WNT9B: variants seen among roughly 807,000 people sequenced by gnomAD.
The protein encoded by WNT9B is Wnt family member 9B.
In WNT9B, 12 loss-of-function variants were observed where a neutral mutation model predicts 30.2. The observed-to-expected ratio is 0.40, with a 90% CI of 0.26 to 0.64. The LOEUF (loss-of-function observed/expected upper bound fraction) is 0.64, where lower values mean the gene tolerates loss of function less well. Among genes scored for constraint, WNT9B ranks in the 30% least tolerant of loss-of-function variants. The pLI is 0.42. For missense variants in WNT9B, 442 were observed against 485.2 expected (o/e 0.91, Z 0.84); for synonymous variants, 218 against 216.9 (o/e 1.01, Z -0.05).
Position 46,857,474 on chromosome 17 carries a change from CAAAA to C in WNT9B, c.77+5778_77+5781del, listed in dbSNP as rs35196121. Among the ~76,000 whole-genome samples, 161 of 94,660 alleles carry C rather than the reference CAAAA, an allele frequency of 1.7e-3. 2 individuals are homozygous for C. Among genetic ancestry groups the C allele is most frequent in the East Asian group, 7.3e-3 (27 of 3,704 alleles). 62.1% of individuals were successfully genotyped at this position (94,660 alleles called of 152,430 possible). A position where few individuals can be genotyped will look rare whatever the true frequency, so the allele number is the denominator to read the frequency against. On this transcript the variant is annotated intron_variant, in intron 1 of 3. Coordinates refer to ENST00000290015, the MANE Select transcript of WNT9B (RefSeq NM_003396.3). ...TGGGCAACAGAGCAAGACTCTGTCT[CAAAA>C]AAAAAAAAAAAAAAAAAAGATATTT...
intron 3 of WNT9B, among the ~76,000 whole-genome samples, chr17:46,875,908 A>G (rs1018266291): frequency 6.6e-6 from 1 of 152,060 alleles, no homozygotes; most frequent in Non-Finnish European, 1.5e-5. Context: ...TTATGAGATT[A>G]AGTTCTGAGT....
At chr17:46,868,948 T>C (rs2085190406) in intron 1 of WNT9B, among the ~76,000 whole-genome samples, 1 of 152,228 alleles carries the variant, frequency 6.6e-6, no homozygotes, top group African/African-American at 2.4e-5. Context: ...AAATAGATGG[T>C]CATTTTCTAA....
upstream of WNT9B, among the ~76,000 whole-genome samples, chr17:46,851,425 C>T (rs1387004945): frequency 6.8e-6 from 1 of 148,004 alleles, no homozygotes; most frequent in Non-Finnish European, 1.5e-5. This position sits in a 1 kb window ranked among gnomAD's most constrained non-coding sequence, Gnocchi z 4.3. Context: ...GGTCCAGGGG[C>T]GGCTGCCCCA....
In WNT9B at chr17:46,876,559, C is replaced by T; in HGVS notation, c.915C>T (p.Cys305=). The change falls in exon 4 of 4, where the codon TGC becomes TGT. Residue 305 remains cysteine (C), a synonymous_variant. Coordinates refer to ENST00000290015, the MANE Select transcript of WNT9B (RefSeq NM_003396.3). ...CACCTGGCACAGCAGGTAGGGTGTG[C>T]TCCCGGGAGGCCAGCTGCAGCAGCC... The part of the protein sequence containing the change: ...KYSPGTAGRV[C]SREASCSSLC... 1 of 1,613,652 alleles carries T rather than the reference C, an allele frequency of 6.2e-7. No homozygotes were observed. Among genetic ancestry groups the T allele is most frequent in the Non-Finnish European group, 8.5e-7 (1 of 1,180,020 alleles).
chr17:46,860,080 C>T (rs2085009955), intron 1 of WNT9B, among the ~76,000 whole-genome samples: 1 of 152,130 alleles, frequency 6.6e-6, no homozygotes, highest in Admixed American at 6.5e-5. Flanking sequence ...AGCCAAACAT[C>T]GCTGATAAGA....
intron 1 of WNT9B, among the ~76,000 whole-genome samples, chr17:46,839,285 C>A (rs569302089): frequency 6.6e-6 from 1 of 152,240 alleles, no homozygotes; most frequent in Admixed American, 6.5e-5. Flanking sequence ...TGTGGCCATG[C>A]GACCCAGCAT....
intron 1 of WNT9B, among the ~76,000 whole-genome samples, chr17:46,839,129 C>T (rs1412057471): frequency 2.6e-5 from 4 of 152,198 alleles, no homozygotes; most frequent in Admixed American, 6.5e-5. Context: ...CCGCCCGCCT[C>T]GGCCTCCCAA....
intron 1 of WNT9B, among the ~76,000 whole-genome samples, chr17:46,842,801 C>T (rs1246514332): frequency 3.9e-5 from 6 of 152,216 alleles, no homozygotes; most frequent in Admixed American, 3.3e-4. Flanking sequence ...ACCATCCAGA[C>T]AGAAGCTATG....
chr17:46,870,241 C>T (rs1040523952), intron 1 of WNT9B, among the ~76,000 whole-genome samples: 1 of 152,168 alleles, frequency 6.6e-6, no homozygotes, highest in Non-Finnish European at 1.5e-5. Flanking sequence ...CTCACACCAG[C>T]CCTCGGTGTG....
In WNT9B at chr17:46,880,114, G is replaced by A. The variant is rs1415908248; in HGVS notation, c.*3396G>A. On this transcript the variant is annotated 3_prime_UTR_variant, in exon 4 of 4. Coordinates refer to ENST00000290015, the MANE Select transcript of WNT9B (RefSeq NM_003396.3). The stretch of plus-strand genomic sequence containing the variant: ...CTGCATGTCCTCCTGCAGGCAGCTA[G>A]AGTGAGGGAGTCTAATGGACAGGAT... Among the ~76,000 whole-genome samples, 3 of 152,240 alleles carry A rather than the reference G, an allele frequency of 2.0e-5. No homozygotes were observed. The highest frequency in any genetic ancestry group is 7.2e-5 in the African/African-American group (3 of 41,464).
At position 46,880,094 on chromosome 17, in the gene WNT9B, T is replaced by C. The variant is rs1384050457; in HGVS notation, c.*3376T>C. Among the ~76,000 whole-genome samples, 1 of 152,248 alleles carries C rather than the reference T, an allele frequency of 6.6e-6. No homozygotes were observed. Among genetic ancestry groups the C allele is most frequent in the Non-Finnish European group, 1.5e-5 (1 of 68,048 alleles). The stretch of plus-strand genomic sequence containing the variant: ...GCTGCGCTGGCAGACTGGGCCTGCA[T>C]GTCCTCCTGCAGGCAGCTAGAGTGA... On this transcript the variant is annotated 3_prime_UTR_variant, in exon 4 of 4. Transcript: ENST00000290015.
rs537366030 is a variant in WNT9B, at chr17:46,870,226, C to T, written c.78-2291C>T. ...ACACAGGAATTGTGTGAGCAGAAGTCGCCACTCACACCAGCCCTCGGTGTG... is the reference window on the plus strand; with the variant it reads ...ACACAGGAATTGTGTGAGCAGAAGTTGCCACTCACACCAGCCCTCGGTGTG... On this transcript the variant is annotated intron_variant, in intron 1 of 3. Coordinates refer to ENST00000290015, the MANE Select transcript of WNT9B (RefSeq NM_003396.3). 2.4e-4 allele frequency among the ~76,000 whole-genome samples: 36 copies of T among 152,264 alleles called. No homozygotes were observed. The East Asian group carries it at 4.3e-3, about 18-fold the overall frequency.
chr17:46,878,935 C>T lies in WNT9B; in HGVS notation c.*2217C>T, dbSNP rs2085386672. ...GGGGTCTTCTCTGTCTGTCTCTCTC[C>T]CTCTCTTCTTCCTTGCTCTCATCCC... On this transcript the variant is annotated 3_prime_UTR_variant, in exon 4 of 4. Transcript: ENST00000290015. Among the ~76,000 whole-genome samples, 1 of 152,180 alleles carries T rather than the reference C, an allele frequency of 6.6e-6. No homozygotes were observed. Among genetic ancestry groups the T allele is most frequent in the South Asian group, 2.1e-4 (1 of 4,812 alleles).
At chr17:46,863,090 G>A (rs76091224) in intron 1 of WNT9B, among the ~76,000 whole-genome samples, 2,920 of 147,696 alleles carry the variant, frequency 0.02, 91 homozygotes, top group African/African-American at 0.069. Context: ...GAGAGCATAC[G>A]CCAGCAATCA....
chr17:46,871,147 G>A (rs1212410689), intron 1 of WNT9B, among the ~76,000 whole-genome samples: 1 of 151,884 alleles, frequency 6.6e-6, no homozygotes, highest in Non-Finnish European at 1.5e-5. Flanking sequence ...GGACTCAAGC[G>A]ATCCACCTGC....
intron 1 of WNT9B, among the ~76,000 whole-genome samples, chr17:46,871,864 C>A (rs73987092): frequency 0.013 from 1,904 of 152,308 alleles, 42 homozygotes; most frequent in African/African-American, 0.043. Context: ...ATCCCCTTCT[C>A]TCCCCAGGCA....
chr17:46,872,490 C>T (rs375864067), intron 1 of WNT9B, 27 bp from the exon 2 acceptor site: 98 of 1,463,716 alleles, frequency 6.7e-5, no homozygotes, highest in Non-Finnish European at 8.3e-5. Context: ...CAAGGCTCAC[C>T]TGTCTCCCTC....
chr17:46,876,728 C>T lies in WNT9B; in HGVS notation c.*10C>T, dbSNP rs1482068871. 1 of 1,524,104 alleles carries T rather than the reference C, an allele frequency of 6.6e-7. No homozygotes were observed. The highest frequency in any genetic ancestry group is 8.8e-7 in the Non-Finnish European group (1 of 1,132,842). 94.4% of individuals were successfully genotyped at this position (1,524,104 alleles called of 1,614,324 possible). On this transcript the variant is annotated 3_prime_UTR_variant, in exon 4 of 4. Coordinates refer to ENST00000290015, the MANE Select transcript of WNT9B (RefSeq NM_003396.3). ...CACCTGCAAGCACTAGGCCTACTGC[C>T]CAGCAAGCCAGTCTGGCACTGCCAG... is the stretch of plus-strand genomic sequence containing the variant.
intron 1 of WNT9B, among the ~76,000 whole-genome samples, chr17:46,841,918 G>T (rs769365349): frequency 2.0e-5 from 3 of 152,222 alleles, no homozygotes; most frequent in Non-Finnish European, 2.9e-5. Context: ...TCTGGTCCGC[G>T]AGAGGACAGT....
Sources: gnomAD v4.1 joint callset for allele counts (sites outside exome capture counted in the v4.1 genomes callset) on GRCh38, gnomAD v4.1.1 for gene constraint, Gnocchi (gnomAD v3.1) non-coding constraint, MANE v1.5 for transcripts, NCBI Gene and HGNC (gene_info 2026-07-23, HGNC 2026-07-21) for gene names.